Variants in SPATS2 observed in about 807,000 individuals in gnomAD.
The protein encoded by SPATS2 is spermatogenesis associated serine rich 2, also known as spermatogenesis-associated serine-rich protein 2.
A neutral mutation model predicts 63.7 loss-of-function variants in SPATS2; 38 were observed. The ratio of observed to expected loss-of-function variants is 0.60; its 90% CI spans 0.46 to 0.78. SPATS2 has a LOEUF of 0.78. SPATS2 is among the 30% of genes least tolerant of loss of function. The pLI is 0.00. For missense variants in SPATS2, 588 were observed against 666.2 expected, an observed-to-expected ratio of 0.88 and a Z score of 1.29; for synonymous variants, 207 against 232.9, an observed-to-expected ratio of 0.89 and a Z score of 1.01.
intron 2 of SPATS2, among the ~76,000 whole-genome samples, chr12:49,434,901 C>T (rs1388264181): frequency 2.6e-5 from 4 of 151,628 alleles, no homozygotes; most frequent in Admixed American, 1.3e-4. Context: ...TACATCCAGC[C>T]GTTATTATTT....
At chr12:49,456,945 C>T (rs1419983844) in intron 2 of SPATS2, among the ~76,000 whole-genome samples, 2 of 151,936 alleles carry the variant, frequency 1.3e-5, no homozygotes, top group Non-Finnish European at 2.9e-5. Context: ...GAAAGGTTTG[C>T]TTCATTGCAT....
At chr12:49,473,048 CA>C (rs34734137) in intron 3 of SPATS2, among the ~76,000 whole-genome samples, 9,868 of 83,524 alleles carry the variant, frequency 0.12, 329 homozygotes, top group South Asian at 0.13. Context: ...GACCCTGTCT[CA>C]AAAAAAAAAA....
intron 11 of SPATS2, 88 bp from the exon 12 acceptor site, chr12:49,522,662 GA>G: frequency 1.9e-6 from 2 of 1,038,216 alleles, no homozygotes; most frequent in Middle Eastern, 4.2e-4. Context: ...AAAGACAATT[GA>G]AAATGATTGT....
Position 49,523,076 on chromosome 12 carries a change from A to G in SPATS2, c.1111+223A>G, listed in dbSNP as rs532993062. Among the ~76,000 whole-genome samples, 10 of 152,248 alleles carry G rather than the reference A, an allele frequency of 6.6e-5. No homozygotes were observed. In the East Asian group the frequency reaches 1.7e-3, roughly 26 times the overall value. On this transcript the variant is annotated intron_variant, in intron 12 of 13. Coordinates refer to ENST00000552918, the MANE Select transcript of SPATS2 (RefSeq NM_023071.4). Reference sequence around the variant, plus strand: ...ATGTGAAAGACTGTTTTTTCATGCCATATTGAGAGGTGCATGATATGTGGT... The same window carrying G: ...ATGTGAAAGACTGTTTTTTCATGCCGTATTGAGAGGTGCATGATATGTGGT...
chr12:49,525,017 C>T lies in SPATS2; in HGVS notation c.1326+121C>T, dbSNP rs963639969. 4.1e-6 allele frequency: 4 copies of T among 975,572 alleles called. No individual in the cohort carries two copies. In the African/African-American group the frequency reaches 4.9e-5, roughly 12 times the overall value. 60.4% of individuals were successfully genotyped at this position (975,572 alleles called of 1,614,324 possible). A position where few individuals can be genotyped will look rare whatever the true frequency, so the allele number is the denominator to read the frequency against. ...TTCCCATTCCATGCCTGTTTTGAAT[C>T]CCTCCAACCCAAGTTAGTTCCTGAG... On this transcript the variant is annotated intron_variant, in intron 13 of 13. Transcript: ENST00000552918.
intron 3 of SPATS2, among the ~76,000 whole-genome samples, chr12:49,481,457 C>CT (rs1565742917): frequency 7.3e-6 from 1 of 137,422 alleles, no homozygotes; most frequent in African/African-American, 2.9e-5. Context: ...AAGGCTTCCT[C>CT]ATTTTTTTTT....
intron 2 of SPATS2, among the ~76,000 whole-genome samples, chr12:49,395,150 A>T (rs918481160): frequency 2.0e-5 from 3 of 151,876 alleles, no homozygotes; most frequent in East Asian, 1.9e-4. Context: ...TTAATTTAAA[A>T]TTTTTTTAAT....
At chr12:49,428,724 C>G (rs2137464067) in intron 2 of SPATS2, among the ~76,000 whole-genome samples, 1 of 152,218 alleles carries the variant, frequency 6.6e-6, no homozygotes, top group South Asian at 2.1e-4. Context: ...TTTAAGTTAA[C>G]AAGGTTTTTA....
At chr12:49,487,828 C>T (rs1289592862) in intron 4 of SPATS2, among the ~76,000 whole-genome samples, 1 of 152,130 alleles carries the variant, frequency 6.6e-6, no homozygotes, top group African/African-American at 2.4e-5. Flanking sequence ...CTCCTGAGAT[C>T]AAAGGATCCT....
chr12:49,442,569 G>A (rs1945438413), intron 2 of SPATS2: 1 of 156,282 alleles, frequency 6.4e-6, no homozygotes, highest in Non-Finnish European at 1.5e-5. Context: ...GTGCTTTTTT[G>A]TCTGAAGATT....
intron 13 of SPATS2, 108 bp from the exon 14 acceptor site, chr12:49,525,836 C>A: frequency 1.6e-6 from 2 of 1,239,030 alleles, no homozygotes; most frequent in South Asian, 1.6e-5. Flanking sequence ...ATAACTGAGT[C>A]CCAAGCATGG....
intron 4 of SPATS2, chr12:49,486,355 G>A (rs1249265443): frequency 5.9e-6 from 2 of 340,352 alleles, no homozygotes; most frequent in South Asian, 4.2e-5. Flanking sequence ...ACAGGTGCGT[G>A]CCACCATGCC....
intron 2 of SPATS2, among the ~76,000 whole-genome samples, chr12:49,460,534 T>TG (rs1332282007): frequency 1.3e-5 from 2 of 152,152 alleles, no homozygotes; most frequent in Non-Finnish European, 2.9e-5. Flanking sequence ...ATATTTCAGA[T>TG]GGATACAAAA....
chr12:49,472,792 C>A (rs969943230), intron 3 of SPATS2, among the ~76,000 whole-genome samples: 5 of 151,340 alleles, frequency 3.3e-5, no homozygotes, highest in Admixed American at 3.3e-4. Context: ...TTAATCCCAG[C>A]ACTTTGGGAG....
chr12:49,413,571 A>T (rs1280458683), intron 2 of SPATS2, among the ~76,000 whole-genome samples: 1 of 151,846 alleles, frequency 6.6e-6, no homozygotes, highest in Non-Finnish European at 1.5e-5. Context: ...CTGGTCACAA[A>T]TTATTTTCAT....
intron 2 of SPATS2, among the ~76,000 whole-genome samples, chr12:49,390,587 A>G (rs1476572082): frequency 6.6e-6 from 1 of 152,238 alleles, no homozygotes; most frequent in Non-Finnish European, 1.5e-5. Flanking sequence ...TTGGCGTTAA[A>G]GTTAACACAA....
At chr12:49,388,212 T>G (rs563545756) in intron 2 of SPATS2, among the ~76,000 whole-genome samples, 25 of 152,332 alleles carry the variant, frequency 1.6e-4, no homozygotes, top group African/African-American at 5.5e-4. Context: ...TGGCTTACTT[T>G]GCTTTAAGTG....
chr12:49,517,360 T>C (rs190408774), intron 10 of SPATS2, among the ~76,000 whole-genome samples: 1 of 152,316 alleles, frequency 6.6e-6, no homozygotes, highest in Admixed American at 6.5e-5. Context: ...TGAGTAAACT[T>C]GCTAAATACA....
chr12:49,457,146 A>T (rs1366633192), intron 2 of SPATS2, among the ~76,000 whole-genome samples: 1 of 152,090 alleles, frequency 6.6e-6, no homozygotes, highest in Non-Finnish European at 1.5e-5. Context: ...TCAAATAAGT[A>T]TTCAAGGAGG....
Sources: allele counts gnomAD v4.1 joint callset (sites outside exome capture counted in the v4.1 genomes callset), GRCh38; gene constraint gnomAD v4.1.1; transcripts MANE v1.5; gene names NCBI Gene and HGNC (gene_info 2026-07-23, HGNC 2026-07-21).